Variants in GAB2 observed in about 807,000 individuals in gnomAD.
GAB2 encodes GRB2 associated binding protein 2, also known as GRB2-associated-binding protein 2.
A neutral mutation model predicts 65.5 loss-of-function variants in GAB2; 26 were observed. The observed-to-expected ratio is 0.40, with a 90% confidence interval of 0.29 to 0.55. The LOEUF is 0.55. Ranked by LOEUF, GAB2 falls within the 20% of genes least tolerant of loss-of-function variation. The pLI is 0.53. For synonymous variants in GAB2, 321 were observed against 329.6 expected, an observed-to-expected ratio of 0.97 and a Z score of 0.28; for missense variants, 884 against 875.8, an observed-to-expected ratio of 1.01 and a Z score of -0.12.
intron 1 of GAB2, among the ~76,000 whole-genome samples, chr11:78,296,078 T>C (rs1866814414): frequency 6.6e-6 from 1 of 152,170 alleles, no homozygotes; most frequent in Non-Finnish European, 1.5e-5. Flanking sequence ...CCTAGGTCCC[T>C]TGCATGTGCA....
At chr11:78,284,513 G>A (rs1475096782) in intron 1 of GAB2, among the ~76,000 whole-genome samples, 5 of 151,978 alleles carry the variant, frequency 3.3e-5, no homozygotes. Context: ...ATTCTGCTCT[G>A]GCCACGTGGC....
chr11:78,235,389 A>T (rs185363466), intron 3 of GAB2, among the ~76,000 whole-genome samples: 3 of 152,072 alleles, frequency 2.0e-5, no homozygotes, highest in Admixed American at 6.5e-5. Flanking sequence ...CCTGACCTTG[A>T]GATCCGCCCA....
chr11:78,392,019 T>C (rs1476449383), intron 1 of GAB2: 1 of 152,084 alleles, frequency 6.6e-6, no homozygotes, highest in Admixed American at 6.6e-5. Context: ...GGTGGGCGGA[T>C]CACGAAGTCA....
At chr11:78,370,625 C>T (rs200917745) in intron 1 of GAB2, among the ~76,000 whole-genome samples, 2 of 152,044 alleles carry the variant, frequency 1.3e-5, no homozygotes, top group Non-Finnish European at 2.9e-5. Context: ...AAACCCGCTA[C>T]GGCTTAGCAT....
chr11:78,326,643 C>A (rs1404290875), intron 1 of GAB2, among the ~76,000 whole-genome samples: 5 of 152,182 alleles, frequency 3.3e-5, no homozygotes, highest in Admixed American at 6.5e-5. Context: ...GTGGTGTCTG[C>A]ATTCTGCTAT....
At chr11:78,400,057 A>C (rs1008670683) in intron 1 of GAB2, among the ~76,000 whole-genome samples, 31 of 152,182 alleles carry the variant, frequency 2.0e-4, no homozygotes, top group Admixed American at 2.6e-4. Flanking sequence ...TTTATCAGTA[A>C]ATGTCATCCT....
At chr11:78,286,769 G>A (rs1346736164) in intron 1 of GAB2, among the ~76,000 whole-genome samples, 1 of 152,158 alleles carries the variant, frequency 6.6e-6, no homozygotes. Flanking sequence ...ATTCTGATAA[G>A]TGCAGTATCC....
chr11:78,257,033 T>C (rs2134537514), intron 2 of GAB2, among the ~76,000 whole-genome samples: 1 of 152,186 alleles, frequency 6.6e-6, no homozygotes, highest in East Asian at 1.9e-4. Flanking sequence ...TCTTCCTGGC[T>C]TCTTTTTAGG....
chr11:78,339,469 A>C (rs775582579), intron 1 of GAB2, among the ~76,000 whole-genome samples: 2 of 152,320 alleles, frequency 1.3e-5, no homozygotes, highest in East Asian at 1.9e-4. Context: ...ATAGCAGACT[A>C]TATCTGGAGA....
intron 4 of GAB2, among the ~76,000 whole-genome samples, chr11:78,225,837 G>C (rs1461126822): frequency 6.6e-6 from 1 of 152,180 alleles, no homozygotes; most frequent in Non-Finnish European, 1.5e-5. Flanking sequence ...TTAAACAACA[G>C]GATGGACAAG....
intron 1 of GAB2, among the ~76,000 whole-genome samples, chr11:78,318,431 C>T (rs1220058700): frequency 1.4e-5 from 2 of 138,054 alleles, no homozygotes; most frequent in African/African-American, 5.4e-5. Context: ...CAGTGGCGGA[C>T]CACTGACAGT....
chr11:78,328,208 C>T (rs1855857611), intron 1 of GAB2, among the ~76,000 whole-genome samples: 1 of 152,170 alleles, frequency 6.6e-6, no homozygotes, highest in Non-Finnish European at 1.5e-5. Context: ...AAAATAAATC[C>T]TGGGTCAATA....
chr11:78,230,862 C>T lies in GAB2; in HGVS notation c.621-3811G>A, dbSNP rs568744892. Among the ~76,000 whole-genome samples the T allele has an allele frequency of 3.9e-5, 6 of 152,334 alleles. No individual in the cohort carries two copies. In the East Asian group the frequency reaches 1.2e-3, roughly 29 times the overall value. On this transcript the variant is annotated intron_variant, in intron 3 of 9. Transcript: ENST00000361507. ...TAGATGGGGAATTCCAAATACTCAG[C>T]AGTCTTATGGCCTTTAGTATTTTCA... is the stretch of plus-strand genomic sequence containing the variant.
chr11:78,242,537 A>T (rs1010296189), intron 3 of GAB2, among the ~76,000 whole-genome samples: 9 of 152,172 alleles, frequency 5.9e-5, no homozygotes, highest in African/African-American at 1.9e-4. Context: ...GAAATTTAGA[A>T]ATGTCTGGAA....
chr11:78,223,273 T>A (rs1330008489), intron 6 of GAB2, 139 bp downstream of exon 6: 2 of 638,178 alleles, frequency 3.1e-6, no homozygotes, highest in Non-Finnish European at 5.1e-6. Flanking sequence ...ATTTCACAGA[T>A]AAGAAAACTG....
intron 1 of GAB2, among the ~76,000 whole-genome samples, chr11:78,363,806 G>A (rs1477988479): frequency 6.6e-6 from 1 of 151,814 alleles, no homozygotes; most frequent in Non-Finnish European, 1.5e-5. Context: ...GACTGGTCTC[G>A]AATTTCCAAG....
chr11:78,417,620 C>T (rs1236061488), intron 1 of GAB2, 26 bp downstream of exon 1: 4 of 1,295,230 alleles, frequency 3.1e-6, no homozygotes, highest in Non-Finnish European at 3.0e-6. Flanking sequence ...CCCCGCCCGC[C>T]CCTGGGCGGC....
intron 1 of GAB2, among the ~76,000 whole-genome samples, chr11:78,369,548 G>A (rs986423286): frequency 1.3e-5 from 2 of 152,152 alleles, no homozygotes; most frequent in Non-Finnish European, 2.9e-5. Flanking sequence ...AGATTATCTT[G>A]CTATTAGTTT....
chr11:78,316,964 A>G (rs1196104682), intron 1 of GAB2, among the ~76,000 whole-genome samples: 2 of 152,234 alleles, frequency 1.3e-5, no homozygotes, highest in Non-Finnish European at 2.9e-5. Flanking sequence ...TTAAAAAGGA[A>G]GGAAATTCTG....
Sources: allele counts gnomAD v4.1 joint callset (sites outside exome capture counted in the v4.1 genomes callset), GRCh38; gene constraint gnomAD v4.1.1; transcripts MANE v1.5; gene names NCBI Gene and HGNC (gene_info 2026-07-23, HGNC 2026-07-21).